Variants in DAPK1 observed in about 807,000 individuals in gnomAD.
The protein encoded by DAPK1 is death associated protein kinase 1.
In DAPK1, 56 loss-of-function variants were observed where a neutral mutation model predicts 144.9. That is an observed-to-expected ratio of 0.39 (90% CI 0.31 to 0.48). The LOEUF (loss-of-function observed/expected upper bound fraction) is 0.48, where lower values mean the gene tolerates loss of function less well. DAPK1 is among the 20% of genes least tolerant of loss of function. DAPK1 has a pLI of 0.95. For synonymous variants in DAPK1, 690 were observed against 749.0 expected (o/e 0.92, Z 1.29); for missense variants, 1,454 against 1,875.4 (o/e 0.78, Z 4.15).
chr9:87,614,673 C>T (rs1206637020), intron 3 of DAPK1, among the ~76,000 whole-genome samples: 1 of 152,304 alleles, frequency 6.6e-6, no homozygotes, highest in Non-Finnish European at 1.5e-5. Flanking sequence ...TTAGCTGTCC[C>T]CTCACAGGTA....
intron 20 of DAPK1, among the ~76,000 whole-genome samples, chr9:87,683,899 G>C (rs907819461): frequency 1.3e-5 from 2 of 152,174 alleles, no homozygotes; most frequent in African/African-American, 4.8e-5. Flanking sequence ...CTGGTCCCTG[G>C]GCCCCCACAG....
At chr9:87,694,528 C>T (rs1441903728) in intron 21 of DAPK1, among the ~76,000 whole-genome samples, 1 of 152,170 alleles carries the variant, frequency 6.6e-6, no homozygotes, top group Non-Finnish European at 1.5e-5. Flanking sequence ...AAGAGTGGTC[C>T]TGCTTTCACT....
chr9:87,544,819 G>A (rs1472680974), intron 2 of DAPK1, among the ~76,000 whole-genome samples: 1 of 152,158 alleles, frequency 6.6e-6, no homozygotes, highest in South Asian at 2.1e-4. Context: ...TACCCAAAAT[G>A]CAGGAAGAAA....
At chr9:87,585,504 A>C (rs1000232722) in intron 2 of DAPK1, among the ~76,000 whole-genome samples, 2 of 152,254 alleles carry the variant, frequency 1.3e-5, no homozygotes, top group African/African-American at 4.8e-5. Context: ...ATGTATTCAC[A>C]TCATTTTAAG....
chr9:87,644,828 C>A (rs1011567427), intron 11 of DAPK1, among the ~76,000 whole-genome samples: 3 of 152,272 alleles, frequency 2.0e-5, no homozygotes, highest in African/African-American at 7.2e-5. Flanking sequence ...CCCTTATTTC[C>A]ATATTCTAAT....
chr9:87,532,769 A>G (rs2118374351), intron 2 of DAPK1, among the ~76,000 whole-genome samples: 1 of 152,232 alleles, frequency 6.6e-6, no homozygotes, highest in African/African-American at 2.4e-5. Context: ...CCAACATTTT[A>G]TTACGAAAAT....
intron 1 of DAPK1, chr9:87,498,700 A>G: frequency 2.5e-6 from 1 of 405,620 alleles, no homozygotes. Context: ...TCACTTCCGG[A>G]GCCGGTTCTG....
intron 18 of DAPK1, among the ~76,000 whole-genome samples, chr9:87,659,895 C>T (rs376815924): frequency 1.3e-4 from 20 of 152,152 alleles, no homozygotes; most frequent in African/African-American, 3.9e-4. Context: ...AAGACAGGCA[C>T]GCGCCCCTCA....
intron 2 of DAPK1, among the ~76,000 whole-genome samples, chr9:87,596,482 T>C (rs955344311): frequency 5.9e-5 from 9 of 152,232 alleles, no homozygotes; most frequent in Non-Finnish European, 1.3e-4. Context: ...GTTGTTTGTG[T>C]TGAGGTCCCT....
At chr9:87,676,497 T>C (rs746158169) in intron 19 of DAPK1, among the ~76,000 whole-genome samples, 1 of 152,250 alleles carries the variant, frequency 6.6e-6, no homozygotes, top group Non-Finnish European at 1.5e-5. Flanking sequence ...AGGTTCTTAG[T>C]GAGCAGGACG....
intron 2 of DAPK1, among the ~76,000 whole-genome samples, chr9:87,546,693 T>A (rs1468228571): frequency 6.6e-6 from 1 of 152,172 alleles, no homozygotes; most frequent in Non-Finnish European, 1.5e-5. Flanking sequence ...TCTCTGTCTT[T>A]CCCCATCCTC....
chr9:87,660,019 A>G (rs953747966), intron 18 of DAPK1, among the ~76,000 whole-genome samples: 2 of 152,120 alleles, frequency 1.3e-5, no homozygotes, highest in Non-Finnish European at 2.9e-5. Context: ...GGGCGTGGAC[A>G]GGGGCTGGGG....
chr9:87,623,331 T>C (rs1218064747), intron 3 of DAPK1, among the ~76,000 whole-genome samples: 2 of 152,190 alleles, frequency 1.3e-5, no homozygotes, highest in Non-Finnish European at 2.9e-5. Flanking sequence ...CCACACAGGC[T>C]GGACCTTAAT....
intron 18 of DAPK1, among the ~76,000 whole-genome samples, chr9:87,662,579 T>TTTTTTTTTTTTTTTTG: frequency 7.0e-6 from 1 of 142,850 alleles, no homozygotes; most frequent in Non-Finnish European, 1.5e-5. Context: ...TTTTTTTTTT[T>TTTTTTTTTTTTTTTTG]TTTTTTGGTA....
At chr9:87,681,728 G>A (rs1297469717) in intron 20 of DAPK1, 102 bp downstream of exon 20, 1 of 724,082 alleles carries the variant, frequency 1.4e-6, no homozygotes, top group Non-Finnish European at 2.5e-6. Context: ...TGGGTCACTT[G>A]GCCTATACTG....
chr9:87,577,445 C>A (rs150774651), intron 2 of DAPK1, among the ~76,000 whole-genome samples: 3 of 152,108 alleles, frequency 2.0e-5, no homozygotes, highest in African/African-American at 4.8e-5. Flanking sequence ...GGGTCCCCCC[C>A]AAGAGATACT....
rs574527840 is a variant in DAPK1, at chr9:87,690,197, T to G, written c.2413+3458T>G. ...GTGTCTTTCGTCTGTGTTTTGTGCT[T>G]TTCCTTGTAGGGGTCTTTCACCTCT... On this transcript the variant is annotated intron_variant, in intron 21 of 25. Transcript: ENST00000408954. 5.1e-4 allele frequency among the ~76,000 whole-genome samples: 78 copies of G among 152,268 alleles called. No individual in the cohort carries two copies. In the South Asian group the frequency reaches 0.016, roughly 31 times the overall value.
intron 2 of DAPK1, among the ~76,000 whole-genome samples, chr9:87,594,243 A>T (rs1048281338): frequency 4.6e-5 from 7 of 152,128 alleles, no homozygotes; most frequent in Non-Finnish European, 1.5e-5. Context: ...CCCAACACTT[A>T]CTTTCTTCCT....
rs1021814065 is a variant in DAPK1 at position 87,571,479 on chromosome 9, A to C, written c.63-33475A>C. On this transcript the variant is annotated intron_variant, in intron 2 of 25. Coordinates refer to ENST00000408954, the MANE Select transcript of DAPK1 (RefSeq NM_004938.4). ...CACACACACACACACACACACCAACACACACACACACACACCCCAACACAC... is the reference window on the plus strand; with the variant it reads ...CACACACACACACACACACACCAACCCACACACACACACACCCCAACACAC... Among the ~76,000 whole-genome samples, 9 of 52,834 alleles carry C rather than the reference A, an allele frequency of 1.7e-4. 2 individuals are homozygous for C. Among genetic ancestry groups the C allele is most frequent in the African/African-American group, 6.9e-4 (7 of 10,184 alleles). The allele number at this position is 52,834 out of a possible 152,430, so 34.7% of individuals were successfully genotyped here.
Sources: gnomAD v4.1 joint callset for allele counts (sites outside exome capture counted in the v4.1 genomes callset) on GRCh38, gnomAD v4.1.1 for gene constraint, MANE v1.5 for transcripts, NCBI Gene and HGNC (gene_info 2026-07-23, HGNC 2026-07-21) for gene names.